Variants in TAFA1 observed in about 807,000 individuals in gnomAD.
TAFA1 encodes TAFA chemokine like family member 1.
TAFA1 carries 4 observed loss-of-function variants against 18.5 expected under a neutral mutation model. The ratio of observed to expected loss-of-function variants is 0.22; its 90% CI spans 0.11 to 0.49. TAFA1 has a LOEUF of 0.49. Among genes scored for constraint, TAFA1 ranks in the 20% least tolerant of loss-of-function variants. The pLI is 0.98. For synonymous variants in TAFA1, 56 were observed against 55.2 expected (o/e 1.01, Z -0.06); for missense variants, 147 against 169.0 (o/e 0.87, Z 0.72).
chr3:67,991,653 G>C, the TAFA1 span, among the ~76,000 whole-genome samples: 16 of 152,322 alleles, frequency 1.1e-4, no homozygotes, highest in African/African-American at 3.6e-4. Flanking sequence ...CAACCTGCTG[G>C]GTTCTTAGGC....
intron 2 of TAFA1, among the ~76,000 whole-genome samples, chr3:68,142,726 A>G (rs2065682933): frequency 1.3e-5 from 2 of 152,208 alleles, no homozygotes; most frequent in African/African-American, 4.8e-5. Context: ...CACTTTAAAT[A>G]CACCCCATGC....
intron 2 of TAFA1, among the ~76,000 whole-genome samples, chr3:68,390,804 A>G (rs985670576): frequency 6.6e-6 from 1 of 152,222 alleles, no homozygotes; most frequent in Non-Finnish European, 1.5e-5. Context: ...ACAGAAAGCA[A>G]TACCATCAAC....
intron 2 of TAFA1, among the ~76,000 whole-genome samples, chr3:68,075,226 G>T (rs925829481): frequency 6.6e-6 from 1 of 152,214 alleles, no homozygotes; most frequent in African/African-American, 2.4e-5. Flanking sequence ...ATTGGCACCA[G>T]GGGTAAAATA....
intron 2 of TAFA1, among the ~76,000 whole-genome samples, chr3:68,047,008 C>T (rs974658673): frequency 3.3e-5 from 5 of 152,182 alleles, no homozygotes; most frequent in African/African-American, 1.2e-4. Context: ...TATTTGAATA[C>T]AGCTTTTGCT....
At chr3:68,405,759 T>C (rs2070593493) in intron 2 of TAFA1, among the ~76,000 whole-genome samples, 1 of 105,246 alleles carries the variant, frequency 9.5e-6, no homozygotes, top group Non-Finnish European at 1.9e-5. Flanking sequence ...AAAGTGAGTA[T>C]GCAATGGAAA....
At chr3:68,169,734 A>G (rs2066028867) in intron 2 of TAFA1, among the ~76,000 whole-genome samples, 1 of 152,232 alleles carries the variant, frequency 6.6e-6, no homozygotes, top group Non-Finnish European at 1.5e-5. Flanking sequence ...ATTTTTAGAG[A>G]AAAGTTACTT....
chr3:68,200,564 G>C (rs1384285263), intron 2 of TAFA1, among the ~76,000 whole-genome samples: 1 of 151,582 alleles, frequency 6.6e-6, no homozygotes, highest in Non-Finnish European at 1.5e-5. Context: ...TTTTGGCAGA[G>C]TGTGTCTTCC....
chr3:68,508,283 T>A (rs994313447), intron 3 of TAFA1, among the ~76,000 whole-genome samples: 1 of 152,020 alleles, frequency 6.6e-6, no homozygotes, highest in Non-Finnish European at 1.5e-5. Context: ...TGCTGCCAGA[T>A]TGGTGATTAG....
intron 2 of TAFA1, among the ~76,000 whole-genome samples, chr3:68,054,514 A>G (rs2064509729): frequency 6.6e-6 from 1 of 152,232 alleles, no homozygotes; most frequent in African/African-American, 2.4e-5. Flanking sequence ...AGCCTTAGCT[A>G]TTCCTTTATA....
chr3:68,057,962 C>T (rs144212052), intron 2 of TAFA1, among the ~76,000 whole-genome samples: 2 of 152,158 alleles, frequency 1.3e-5, no homozygotes, highest in African/African-American at 4.8e-5. Context: ...ACCTGAAATG[C>T]ATTTCAGACT....
intron 2 of TAFA1, among the ~76,000 whole-genome samples, chr3:68,120,185 CTTTCTTTCTTTCTTTCTTT>C (rs2065375990): frequency 4.2e-5 from 1 of 23,906 alleles, no homozygotes; most frequent in Non-Finnish European, 9.8e-5. Context: ...TTCTTTCTTT[CTTTCTTTCTTTCTTTCTTT>C]CTTTCTTTCT....
intron 3 of TAFA1, among the ~76,000 whole-genome samples, chr3:68,527,231 G>C (rs2073121901): frequency 6.6e-6 from 1 of 152,116 alleles, no homozygotes; most frequent in African/African-American, 2.4e-5. Context: ...GAATAAGCCA[G>C]GGACTCCAGG....
intron 2 of TAFA1, among the ~76,000 whole-genome samples, chr3:68,334,252 G>T (rs1468729757): frequency 6.6e-6 from 1 of 152,114 alleles, no homozygotes; most frequent in Non-Finnish European, 1.5e-5. Flanking sequence ...TATGGGTAGG[G>T]CCATTTATAC....
chr3:68,005,652 C>T (rs1704344761), intron 1 of TAFA1, among the ~76,000 whole-genome samples: 2 of 152,164 alleles, frequency 1.3e-5, no homozygotes, highest in South Asian at 4.1e-4. Context: ...AGAAATCTTC[C>T]AAAGCCCTCT....
chr3:68,187,395 G>C (rs1256139964), intron 2 of TAFA1, among the ~76,000 whole-genome samples: 5 of 151,896 alleles, frequency 3.3e-5, no homozygotes, highest in Admixed American at 2.0e-4. Flanking sequence ...CCTGGCCAAA[G>C]GTATGATTCT....
chr3:68,484,821 A>G (rs2072307176), intron 3 of TAFA1, among the ~76,000 whole-genome samples: 1 of 152,200 alleles, frequency 6.6e-6, no homozygotes, highest in African/African-American at 2.4e-5. Flanking sequence ...CTTTTTCTAA[A>G]GAGATTGATT....
intron 2 of TAFA1, among the ~76,000 whole-genome samples, chr3:68,407,149 A>G (rs1468023083): frequency 6.6e-6 from 1 of 152,102 alleles, no homozygotes; most frequent in Non-Finnish European, 1.5e-5. Context: ...TGGTGAAAAA[A>G]GGGAAAAAAA....
At chr3:68,027,515 A>T (rs536272394) in intron 2 of TAFA1, among the ~76,000 whole-genome samples, 1 of 152,148 alleles carries the variant, frequency 6.6e-6, no homozygotes, top group Middle Eastern at 3.4e-3. Flanking sequence ...TGGAACCCCG[A>T]TATTTATTTG....
Position 68,258,018 on chromosome 3 carries a change from A to G in TAFA1, c.119-159262A>G, listed in dbSNP as rs78105532. Among the ~76,000 whole-genome samples the G allele has an allele frequency of 5.6e-3, 859 of 152,290 alleles. 45 individuals carry two copies. In the East Asian group the frequency reaches 0.11, roughly 20 times the overall value. On this transcript the variant is annotated intron_variant, in intron 2 of 4. Transcript: ENST00000478136. ...GGTCATGAAACAGAAGGAAAGAAAGATGTCATAGATTAGGAGGAGGCTAAG... is the reference window on the plus strand; with the variant it reads ...GGTCATGAAACAGAAGGAAAGAAAGGTGTCATAGATTAGGAGGAGGCTAAG...
Sources: allele counts gnomAD v4.1 joint callset (sites outside exome capture counted in the v4.1 genomes callset), GRCh38; gene constraint gnomAD v4.1.1; transcripts MANE v1.5; gene names NCBI Gene and HGNC (gene_info 2026-07-23, HGNC 2026-07-21).